Variants in EIF2AK4 observed in about 807,000 individuals in gnomAD.
EIF2AK4 encodes eukaryotic translation initiation factor 2 alpha kinase 4.
In EIF2AK4, 139 loss-of-function variants were observed where a neutral mutation model predicts 211.1. That is an observed-to-expected ratio of 0.66 (90% CI 0.57 to 0.76). The LOEUF is 0.76. EIF2AK4 is among the 30% of genes least tolerant of loss of function. The pLI is 0.00. For missense variants in EIF2AK4, 1,664 were observed against 2,043.8 expected, an observed-to-expected ratio of 0.81 and a Z score of 3.58; for synonymous variants, 710 against 751.3, an observed-to-expected ratio of 0.94 and a Z score of 0.90.
At chr15:39,997,536 G>C (rs1360551445) in intron 19 of EIF2AK4, among the ~76,000 whole-genome samples, 1 of 152,318 alleles carries the variant, frequency 6.6e-6, no homozygotes, top group East Asian at 1.9e-4. Context: ...GGCTTGATAT[G>C]AATATGGTTA....
In EIF2AK4 at chr15:39,989,722, T is replaced by A. The variant is rs780137061; in HGVS notation, c.2527-551T>A. On this transcript the variant is annotated intron_variant, in intron 15 of 38. Transcript: ENST00000263791. The stretch of plus-strand genomic sequence containing the variant: ...ATTATAATGCATGAAACAATACAGA[T>A]TATGAGCCATTAGGAAAATGAGAAA... 3.2e-4 allele frequency among the ~76,000 whole-genome samples: 48 copies of A among 152,316 alleles called. 1 individual carries two copies. Among genetic ancestry groups the A allele is most frequent in the Middle Eastern group, 6.8e-3 (2 of 294 alleles).
intron 21 of EIF2AK4, among the ~76,000 whole-genome samples, 200 bp downstream of exon 21, chr15:40,001,424 C>T (rs2035089419): frequency 6.6e-6 from 1 of 151,980 alleles, no homozygotes. Context: ...TGAAGGAGTC[C>T]TTGACCTTTC....
At chr15:40,022,658 G>GGCAGGTGCTC in intron 32 of EIF2AK4, 53 bp downstream of exon 32, 2 of 1,527,026 alleles carry the variant, frequency 1.3e-6, no homozygotes, top group Non-Finnish European at 1.8e-6. Flanking sequence ...TACCTGTGGA[G>GGCAGGTGCTC]CACCTGCCTT....
At chr15:39,939,651 T>C in intron 2 of EIF2AK4, 34 bp downstream of exon 2, 1 of 1,540,490 alleles carries the variant, frequency 6.5e-7, no homozygotes, top group Non-Finnish European at 8.9e-7. Context: ...TGACGTGGTT[T>C]CAGTTTTCTG....
intron 4 of EIF2AK4, chr15:39,951,488 C>T (rs2034313188): frequency 2.4e-6 from 1 of 408,310 alleles, no homozygotes; most frequent in Non-Finnish European, 4.8e-6. Flanking sequence ...ACCAGATAGG[C>T]CTCACTTGCC....
At chr15:39,996,207 C>T (rs1351966178) in intron 18 of EIF2AK4, among the ~76,000 whole-genome samples, 2 of 152,164 alleles carry the variant, frequency 1.3e-5, no homozygotes, top group Admixed American at 1.3e-4. Flanking sequence ...TTTTGAAGGC[C>T]ATATGACCCT....
intron 21 of EIF2AK4, 168 bp from the exon 22 acceptor site, chr15:40,002,545 A>T (rs2035107001): frequency 3.2e-6 from 2 of 617,252 alleles, no homozygotes; most frequent in African/African-American, 3.7e-5. Context: ...GCCATGAAAG[A>T]TATGTGTCCT....
intron 27 of EIF2AK4, among the ~76,000 whole-genome samples, chr15:40,016,130 C>T (rs528136931): frequency 3.9e-5 from 6 of 152,160 alleles, no homozygotes; most frequent in Non-Finnish European, 7.4e-5. Flanking sequence ...CCCCCCATGT[C>T]TATGCCTGCA....
At chr15:40,000,389 A>G (rs572056215) in intron 20 of EIF2AK4, among the ~76,000 whole-genome samples, 2 of 152,354 alleles carry the variant, frequency 1.3e-5, no homozygotes, top group African/African-American at 4.8e-5. Flanking sequence ...AATCTTTATT[A>G]TAAACAAGAG....
At chr15:39,959,272 T>G (rs2034434195) in intron 6 of EIF2AK4, among the ~76,000 whole-genome samples, 1 of 152,214 alleles carries the variant, frequency 6.6e-6, no homozygotes, top group Admixed American at 6.5e-5. Flanking sequence ...TCCAAAAGGT[T>G]GTTCCAAGCC....
intron 31 of EIF2AK4, chr15:40,021,573 GCCACA>G (rs1265115255): frequency 6.6e-6 from 1 of 152,412 alleles, no homozygotes; most frequent in African/African-American, 2.4e-5. Flanking sequence ...ACTCCAGCCT[GCCACA>G]CTTCTGAAGG....
At chr15:39,960,397 A>G (rs890254115) in intron 6 of EIF2AK4, among the ~76,000 whole-genome samples, 4 of 152,036 alleles carry the variant, frequency 2.6e-5, no homozygotes, top group Admixed American at 1.3e-4. Context: ...TTGAAGACCA[A>G]TTAGATGCAG....
At position 40,020,988 on chromosome 15, in the gene EIF2AK4, A is replaced by AGCAG; in HGVS notation, c.4267_4270dup (p.Ile1424ArgfsTer25). 5 of 1,614,006 alleles carry AGCAG rather than the reference A, an allele frequency of 3.1e-6. No homozygotes were observed. Among genetic ancestry groups the AGCAG allele is most frequent in the Non-Finnish European group, 4.2e-6 (5 of 1,179,946 alleles). On this transcript the variant is annotated frameshift_variant, in exon 31 of 39. Coordinates refer to ENST00000263791, the MANE Select transcript of EIF2AK4 (RefSeq NM_001013703.4). LOFTEE classifies it high-confidence loss of function. ...TCAACCTAACCCAGAAACTCTGGACAGCAGGCATCACAGCAGAAATCATGT... is the reference window on the plus strand; with the variant it reads ...TCAACCTAACCCAGAAACTCTGGACAGCAGGCAGGCATCACAGCAGAAATCATGT...
intron 6 of EIF2AK4, among the ~76,000 whole-genome samples, chr15:39,957,162 A>C (rs1321822879): frequency 6.6e-6 from 1 of 152,278 alleles, no homozygotes; most frequent in East Asian, 1.9e-4. Context: ...GAATTAAATC[A>C]ATGATATAAA....
chr15:39,957,763 CAG>C (rs1261211551), intron 6 of EIF2AK4, among the ~76,000 whole-genome samples: 1 of 152,182 alleles, frequency 6.6e-6, no homozygotes, highest in Admixed American at 6.5e-5. Context: ...GAAGATGACA[CAG>C]GGAAAGTGGG....
intron 22 of EIF2AK4, 105 bp from the exon 23 acceptor site, chr15:40,003,088 G>T (rs918355809): frequency 4.5e-5 from 66 of 1,477,096 alleles, no homozygotes; most frequent in Non-Finnish European, 5.8e-5. Flanking sequence ...TGACTTCAAT[G>T]GTCCCAGTAG....
At chr15:40,007,966 T>C in intron 24 of EIF2AK4, 61 bp from the exon 25 acceptor site, 1 of 1,273,734 alleles carries the variant, frequency 7.9e-7, no homozygotes, top group Non-Finnish European at 1.1e-6. Flanking sequence ...GTTCAACAAT[T>C]TCTTATACAT....
intron 7 of EIF2AK4, among the ~76,000 whole-genome samples, chr15:39,964,269 A>G (rs374604321): frequency 3.6e-4 from 55 of 152,364 alleles, no homozygotes; most frequent in African/African-American, 1.3e-3. Flanking sequence ...GATTATTCAA[A>G]TAGAAAAGAT....
intron 29 of EIF2AK4, among the ~76,000 whole-genome samples, chr15:40,017,596 G>T (rs1050717114): frequency 2.9e-5 from 4 of 137,412 alleles, no homozygotes; most frequent in Non-Finnish European, 6.2e-5. Context: ...CCAGGCTGGA[G>T]TGCAATGGCG....
Sources: allele counts gnomAD v4.1 joint callset (sites outside exome capture counted in the v4.1 genomes callset), GRCh38; gene constraint gnomAD v4.1.1; transcripts MANE v1.5; gene names NCBI Gene and HGNC (gene_info 2026-07-23, HGNC 2026-07-21).